ANKS1B: variants seen among roughly 807,000 people sequenced by gnomAD.
ANKS1B encodes the protein ankyrin repeat and sterile alpha motif domain containing 1B.
In ANKS1B, 36 loss-of-function variants were observed where a neutral mutation model predicts 148.3. That is an observed-to-expected ratio of 0.24 (90% confidence interval 0.19 to 0.32). The LOEUF is 0.32. ANKS1B is among the 10% of genes least tolerant of loss of function. The pLI is 1.00. For missense variants in ANKS1B, 1,157 were observed against 1,542.6 expected (o/e 0.75, Z 4.19); for synonymous variants, 542 against 560.8 (o/e 0.97, Z 0.47).
chr12:99,976,246 A>C (rs1039064816), intron 1 of ANKS1B, among the ~76,000 whole-genome samples: 2 of 152,328 alleles, frequency 1.3e-5, no homozygotes, highest in Middle Eastern at 3.4e-3. Flanking sequence ...TACTATGCTC[A>C]CTACCTAGGT....
intron 12 of ANKS1B, among the ~76,000 whole-genome samples, chr12:99,399,069 T>C (rs189128976): frequency 3.9e-5 from 6 of 152,260 alleles, no homozygotes; most frequent in Admixed American, 1.3e-4. Flanking sequence ...GTTAGCTCCT[T>C]GTCCCCCAAA....
chr12:99,167,886 C>A (rs1282479371), intron 14 of ANKS1B, among the ~76,000 whole-genome samples: 2 of 152,178 alleles, frequency 1.3e-5, no homozygotes, highest in African/African-American at 4.8e-5. Flanking sequence ...ATGGATAGTT[C>A]ATACACACAA....
At chr12:99,700,374 C>A (rs375188868) in intron 8 of ANKS1B, among the ~76,000 whole-genome samples, 1 of 152,124 alleles carries the variant, frequency 6.6e-6, no homozygotes, top group African/African-American at 2.4e-5. Context: ...AGTACCCAAT[C>A]CAACTGCCAT....
chr12:99,120,903 C>G (rs2062628862), intron 15 of ANKS1B, among the ~76,000 whole-genome samples: 1 of 152,036 alleles, frequency 6.6e-6, no homozygotes, highest in Non-Finnish European at 1.5e-5. Flanking sequence ...CTCATTGCTC[C>G]TGGACATTGC....
chr12:99,165,968 T>G (rs1309158133), intron 14 of ANKS1B, among the ~76,000 whole-genome samples: 1 of 151,864 alleles, frequency 6.6e-6, no homozygotes, highest in Non-Finnish European at 1.5e-5. Context: ...GCAAGGTCTC[T>G]TAAACATGGG....
At chr12:98,901,116 G>C (rs1181896124) in intron 17 of ANKS1B, among the ~76,000 whole-genome samples, 2 of 152,052 alleles carry the variant, frequency 1.3e-5, no homozygotes, top group Non-Finnish European at 2.9e-5. Context: ...CTCTATTTTT[G>C]CTCGGCTCTT....
chr12:99,498,021 G>T (rs988417076), intron 10 of ANKS1B, among the ~76,000 whole-genome samples: 1 of 152,014 alleles, frequency 6.6e-6, no homozygotes, highest in African/African-American at 2.4e-5. Context: ...ACCCCTTATT[G>T]TCCAAGTGTC....
At chr12:98,851,491 T>G (rs1186380702) in intron 17 of ANKS1B, among the ~76,000 whole-genome samples, 1 of 152,184 alleles carries the variant, frequency 6.6e-6, no homozygotes. Flanking sequence ...GTTTATGGTT[T>G]CAAAATTTTA....
At chr12:98,964,145 G>A (rs2099875803) in intron 17 of ANKS1B, among the ~76,000 whole-genome samples, 1 of 152,070 alleles carries the variant, frequency 6.6e-6, no homozygotes, top group Admixed American at 6.6e-5. Flanking sequence ...TGAAATGTCT[G>A]AATAGACATT....
At chr12:99,522,995 A>G (rs536640345) in intron 9 of ANKS1B, among the ~76,000 whole-genome samples, 22 of 152,320 alleles carry the variant, frequency 1.4e-4, no homozygotes, top group African/African-American at 4.6e-4. Context: ...CCAGAGGTAG[A>G]CACAGTAGTT....
chr12:99,855,733 A>C (rs1478114586), intron 1 of ANKS1B, among the ~76,000 whole-genome samples: 1 of 152,166 alleles, frequency 6.6e-6, no homozygotes, highest in African/African-American at 2.4e-5. Flanking sequence ...ACAGTGAAAT[A>C]AAATGGAAAA....
intron 12 of ANKS1B, among the ~76,000 whole-genome samples, chr12:99,282,721 G>A (rs148166379): frequency 1.5e-3 from 236 of 152,272 alleles, no homozygotes; most frequent in African/African-American, 5.5e-3. Flanking sequence ...CTGAGCAAGT[G>A]AAAAGGATGG....
At position 98,814,388 on chromosome 12, in the gene ANKS1B, A is replaced by G. The variant is rs530406353; in HGVS notation, c.3067-6470T>C. Among the ~76,000 whole-genome samples, 7 of 152,380 alleles carry G rather than the reference A, an allele frequency of 4.6e-5. No homozygotes were observed. The East Asian group carries it at 7.7e-4, about 17-fold the overall frequency. On this transcript the variant is annotated intron_variant, in intron 19 of 26. Coordinates refer to ENST00000683438, the MANE Select transcript of ANKS1B (RefSeq NM_001352186.2). ...AGGCCTTGGTAAATGGCAAAGCATT[A>G]TGCAAACATTAGTCACTACCGTTAT...
intron 17 of ANKS1B, among the ~76,000 whole-genome samples, chr12:99,052,818 T>G (rs941201400): frequency 6.6e-6 from 1 of 151,330 alleles, no homozygotes; most frequent in Non-Finnish European, 1.5e-5. Flanking sequence ...AATTTAAATC[T>G]TTAACAGTGA....
chr12:99,623,003 A>G (rs184165002), intron 9 of ANKS1B, among the ~76,000 whole-genome samples: 8 of 152,234 alleles, frequency 5.3e-5, no homozygotes, highest in Admixed American at 5.2e-4. Context: ...AAAATGCTCA[A>G]CAAAATACTA....
intron 17 of ANKS1B, among the ~76,000 whole-genome samples, chr12:98,843,739 A>T (rs1366625300): frequency 6.6e-6 from 1 of 152,208 alleles, no homozygotes; most frequent in African/African-American, 2.4e-5. Context: ...GGCATATTGA[A>T]GCAGTGAAAC....
intron 8 of ANKS1B, among the ~76,000 whole-genome samples, chr12:99,759,975 G>T (rs1425282321): frequency 6.6e-6 from 1 of 151,480 alleles, no homozygotes; most frequent in Non-Finnish European, 1.5e-5. Flanking sequence ...AACAAAAACT[G>T]GCCAATAATA....
intron 9 of ANKS1B, among the ~76,000 whole-genome samples, chr12:99,564,504 T>C (rs1463519341): frequency 6.6e-6 from 1 of 151,978 alleles, no homozygotes; most frequent in Non-Finnish European, 1.5e-5. Context: ...ATTTAAGAAA[T>C]TCATGTTAAT....
Position 98,775,460 on chromosome 12 carries a change from CT to C in ANKS1B, c.3442-2282del, listed in dbSNP as rs200255882. Among the ~76,000 whole-genome samples the C allele has an allele frequency of 5.9e-3, 888 of 151,564 alleles. 11 individuals are homozygous for C. Among genetic ancestry groups the C allele is most frequent in the African/African-American group, 0.021 (850 of 41,380 alleles). On this transcript the variant is annotated intron_variant, in intron 24 of 26. Transcript: ENST00000683438. ...TCTTCTTCTCTTTCTCTCTCTCTCT[CT>C]TTTTTTTGAGATAGGGTCTTGCTCT...
Sources: gnomAD v4.1 joint callset for allele counts (sites outside exome capture counted in the v4.1 genomes callset) on GRCh38, gnomAD v4.1.1 for gene constraint, MANE v1.5 for transcripts, NCBI Gene and HGNC (gene_info 2026-07-23, HGNC 2026-07-21) for gene names.